Variants in GRID2 observed in about 807,000 individuals in gnomAD.
The protein encoded by GRID2 is glutamate receptor ionotropic, delta-2.
In GRID2, 33 loss-of-function variants were observed where a neutral mutation model predicts 114.8. That is an observed-to-expected ratio of 0.29 (90% CI 0.22 to 0.38). The LOEUF (loss-of-function observed/expected upper bound fraction) is 0.38, where lower values mean the gene tolerates loss of function less well. Among genes scored for constraint, GRID2 ranks in the 10% least tolerant of loss-of-function variants. The pLI, the probability that GRID2 is intolerant of heterozygous loss-of-function variation, is 1.00. For synonymous variants in GRID2, 505 were observed against 449.9 expected (o/e 1.12, Z -1.55); for missense variants, 1,184 against 1,257.7 (o/e 0.94, Z 0.89).
chr4:93,179,469 G>A (rs879875559), intron 4 of GRID2, among the ~76,000 whole-genome samples: 2 of 152,096 alleles, frequency 1.3e-5, no homozygotes, highest in African/African-American at 2.4e-5. Context: ...AAAATTATTC[G>A]CATGATGTGG....
At chr4:93,574,814 A>T (rs1736263442) in intron 13 of GRID2, among the ~76,000 whole-genome samples, 1 of 152,220 alleles carries the variant, frequency 6.6e-6, no homozygotes, top group African/African-American at 2.4e-5. Flanking sequence ...TGTCTCAGTT[A>T]TCTGTGGCTG....
chr4:92,766,222 G>A (rs936600749), intron 2 of GRID2, among the ~76,000 whole-genome samples: 3 of 152,106 alleles, frequency 2.0e-5, no homozygotes, highest in African/African-American at 7.2e-5. Flanking sequence ...TTGAAGACCT[G>A]GTAGTCAGCC....
At chr4:92,392,355 A>C (rs1015473029) in intron 1 of GRID2, among the ~76,000 whole-genome samples, 1 of 152,046 alleles carries the variant, frequency 6.6e-6, no homozygotes, top group Non-Finnish European at 1.5e-5. Context: ...CCTGGCCATC[A>C]TGGTGAAATC....
chr4:93,154,785 CCACCACCACCAA>C (rs1737029782), intron 4 of GRID2, among the ~76,000 whole-genome samples: 1 of 151,724 alleles, frequency 6.6e-6, no homozygotes, highest in Non-Finnish European at 1.5e-5. Flanking sequence ...ACCACCACCA[CCACCACCACCAA>C]CAAAAAACCC....
chr4:92,542,031 G>T (rs996245240), intron 1 of GRID2, among the ~76,000 whole-genome samples: 1 of 151,906 alleles, frequency 6.6e-6, no homozygotes, highest in African/African-American at 2.4e-5. Context: ...TTGCAATAAG[G>T]TTCAAGAAAG....
intron 3 of GRID2, among the ~76,000 whole-genome samples, chr4:93,106,217 C>G (rs1269971169): frequency 6.6e-6 from 1 of 152,170 alleles, no homozygotes; most frequent in African/African-American, 2.4e-5. Context: ...ACCATATATT[C>G]TTTATTTTGG....
chr4:93,170,281 G>T (rs28513308), intron 4 of GRID2, among the ~76,000 whole-genome samples: 1 of 151,896 alleles, frequency 6.6e-6, no homozygotes, highest in African/African-American at 2.4e-5. Context: ...ATGGGGTTTC[G>T]CCACGTTGGC....
intron 2 of GRID2, among the ~76,000 whole-genome samples, chr4:92,997,236 G>A (rs2149212106): frequency 6.6e-6 from 1 of 152,236 alleles, no homozygotes; most frequent in Non-Finnish European, 1.5e-5. Flanking sequence ...AGTGTGTTAG[G>A]AAGCATTATC....
intron 2 of GRID2, among the ~76,000 whole-genome samples, chr4:92,696,059 A>G (rs1734411231): frequency 6.6e-6 from 1 of 152,122 alleles, no homozygotes; most frequent in Non-Finnish European, 1.5e-5. Flanking sequence ...AAGACTTGTT[A>G]GTTAATTTAT....
In GRID2 at chr4:92,740,722, AGATAGATAGATAGATAGATG is replaced by A. The variant is rs1218603566; in HGVS notation, c.244+150451_244+150470del. The stretch of plus-strand genomic sequence containing the variant: ...TAGATAGATAGATAGATAGATAGAT[AGATAGATAGATAGATAGATG>A]GATAGATAGATAGACAGATAGATAG... On this transcript the variant is annotated intron_variant, in intron 2 of 15. Transcript: ENST00000282020. Among the ~76,000 whole-genome samples, 399 of 140,224 alleles carry A rather than the reference AGATAGATAGATAGATAGATG, an allele frequency of 2.8e-3. 4 individuals carry two copies. Among genetic ancestry groups the A allele is most frequent in the African/African-American group, 9.3e-3 (338 of 36,346 alleles). The allele number at this position is 140,224 out of a possible 152,430, so 92.0% of individuals were successfully genotyped here.
intron 8 of GRID2, among the ~76,000 whole-genome samples, chr4:93,393,925 A>G (rs566596124): frequency 2.0e-5 from 3 of 152,144 alleles, no homozygotes; most frequent in Admixed American, 1.3e-4. Context: ...GAACAAGATT[A>G]TATCTTAAAA....
chr4:92,492,554 A>G (rs1723191008), intron 1 of GRID2, among the ~76,000 whole-genome samples: 2 of 152,286 alleles, frequency 1.3e-5, no homozygotes, highest in South Asian at 4.1e-4. Context: ...TGGATAGAGA[A>G]CAGAACCACA....
At chr4:92,811,482 T>A (rs1337490075) in intron 2 of GRID2, among the ~76,000 whole-genome samples, 1 of 152,112 alleles carries the variant, frequency 6.6e-6, no homozygotes, top group Non-Finnish European at 1.5e-5. Context: ...TAATTGTCTA[T>A]TCACTGAGAT....
At chr4:92,417,505 C>T (rs28689931) in intron 1 of GRID2, among the ~76,000 whole-genome samples, 2,569 of 152,050 alleles carry the variant, frequency 0.017, 76 homozygotes, top group African/African-American at 0.058. Flanking sequence ...GAGGAACTAA[C>T]GCTCCAGTAG....
intron 14 of GRID2, among the ~76,000 whole-genome samples, chr4:93,655,908 T>G (rs1196287013): frequency 6.6e-6 from 1 of 151,980 alleles, no homozygotes; most frequent in Admixed American, 6.5e-5. Context: ...GAAAGCATTT[T>G]TTTAATTTAA....
intron 2 of GRID2, among the ~76,000 whole-genome samples, chr4:92,998,016 C>A (rs1238318019): frequency 6.6e-6 from 1 of 151,872 alleles, no homozygotes; most frequent in Non-Finnish European, 1.5e-5. Flanking sequence ...CTTTATTTTC[C>A]CTTAAGTTCA....
intron 2 of GRID2, among the ~76,000 whole-genome samples, chr4:92,915,512 T>C (rs980504060): frequency 6.6e-6 from 1 of 152,116 alleles, no homozygotes; most frequent in Non-Finnish European, 1.5e-5. Context: ...TTGGGGATTA[T>C]GGGAATTGCA....
At position 92,747,100 on chromosome 4, in the gene GRID2, T is replaced by C. The variant is rs576008778; in HGVS notation, c.244+156814T>C. Among the ~76,000 whole-genome samples the C allele has an allele frequency of 5.7e-4, 86 of 152,210 alleles. No homozygotes were observed. In the Middle Eastern group the frequency reaches 0.014, roughly 24 times the overall value. ...ATTAATTTAGTTTATTATGAAAAGC[T>C]TAAGTTATCTAACTATAGATAAATC... On this transcript the variant is annotated intron_variant, in intron 2 of 15. Transcript: ENST00000282020.
chr4:93,123,719 A>G (rs187670808), intron 4 of GRID2, among the ~76,000 whole-genome samples: 1 of 152,282 alleles, frequency 6.6e-6, no homozygotes, highest in East Asian at 1.9e-4. Context: ...TCTATTGGCA[A>G]TGTATGAGTT....
Sources: allele counts gnomAD v4.1 joint callset (sites outside exome capture counted in the v4.1 genomes callset), GRCh38; gene constraint gnomAD v4.1.1; transcripts MANE v1.5; gene names NCBI Gene and HGNC (gene_info 2026-07-23, HGNC 2026-07-21).